Variants in BCAS3 observed in about 807,000 individuals in gnomAD.
The protein encoded by BCAS3 is BCAS3 microtubule associated cell migration factor, also known as BCAS4/BCAS3 fusion.
In BCAS3, 53 loss-of-function variants were observed where a neutral mutation model predicts 116.1. That is an observed-to-expected ratio of 0.46 (90% CI 0.37 to 0.57). The LOEUF is 0.57. Ranked by LOEUF, BCAS3 falls within the 20% of genes least tolerant of loss-of-function variation. The pLI is 0.00. For missense variants in BCAS3, 917 were observed against 1,165.4 expected, an observed-to-expected ratio of 0.79 and a Z score of 3.10; for synonymous variants, 391 against 408.2, an observed-to-expected ratio of 0.96 and a Z score of 0.51.
rs141974212 is a variant in BCAS3, at chr17:61,082,004, C to T, written c.2328-2463C>T. On this transcript the variant is annotated intron_variant, in intron 21 of 23. Transcript: ENST00000407086. This position sits in a 1 kb window ranked among gnomAD's most constrained non-coding sequence, Gnocchi z 5.1. ...GTGCAGTGATAATCTTCCTCCCTGCCGCCTAACCAAAATGGGAAACAGGCA... is the reference window on the plus strand; with the variant it reads ...GTGCAGTGATAATCTTCCTCCCTGCTGCCTAACCAAAATGGGAAACAGGCA... Among the ~76,000 whole-genome samples the T allele has an allele frequency of 5.9e-3, 897 of 152,254 alleles. 3 individuals carry two copies. The highest frequency in any genetic ancestry group is 0.01 in the Middle Eastern group (3 of 294).
chr17:60,757,142 A>G (rs2144325652), intron 6 of BCAS3, among the ~76,000 whole-genome samples: 1 of 151,470 alleles, frequency 6.6e-6, no homozygotes, highest in African/African-American at 2.4e-5. Context: ...CAGCCTAGTG[A>G]CAGAGTGAGA....
In BCAS3 at chr17:61,077,501, A is replaced by G. The variant is rs1219918486; in HGVS notation, c.2131-832A>G. Among the ~76,000 whole-genome samples, 3 of 152,174 alleles carry G rather than the reference A, an allele frequency of 2.0e-5. No individual in the cohort carries two copies. ...CACTGCACTCCAGTCTGGGCAACAG[A>G]GCGAGACTCCGTCTCAAAAAAAAAA... is the stretch of plus-strand genomic sequence containing the variant. On this transcript the variant is annotated intron_variant, in intron 20 of 23. Coordinates refer to ENST00000407086, the MANE Select transcript of BCAS3 (RefSeq NM_017679.5). The surrounding 1 kb of genome is among the most constrained non-coding windows in gnomAD (Gnocchi z 4.3).
rs1374669446 is a variant in BCAS3, at chr17:61,227,543, C to G, written c.2426-140784C>G. ...TTGCCCATGAATGAAGTGAAATGAC[C>G]AGGTAGACAGTAGAACCAGGCCTGT... On this transcript the variant is annotated intron_variant, in intron 22 of 23. Coordinates refer to ENST00000407086, the MANE Select transcript of BCAS3 (RefSeq NM_017679.5). The surrounding 1 kb of genome is among the most constrained non-coding windows in gnomAD (Gnocchi z 6.1). 6.6e-6 allele frequency among the ~76,000 whole-genome samples: 1 copy of G among 152,150 alleles called. No homozygotes were observed. The highest frequency in any genetic ancestry group is 1.9e-4 in the East Asian group (1 of 5,190).
In BCAS3 at chr17:61,200,682, T is replaced by A. The variant is rs1411132510; in HGVS notation, c.2425+116118T>A. Reference sequence around the variant, plus strand: ...GGCTGGCTCTCTTATTATATTAGTATCTTTTTACTATTATCTTGCTTCTGT... The same window carrying A: ...GGCTGGCTCTCTTATTATATTAGTAACTTTTTACTATTATCTTGCTTCTGT... On this transcript the variant is annotated intron_variant, in intron 22 of 23. Coordinates refer to ENST00000407086, the MANE Select transcript of BCAS3 (RefSeq NM_017679.5). The surrounding 1 kb of genome is among the most constrained non-coding windows in gnomAD (Gnocchi z 5.1). Among the ~76,000 whole-genome samples the A allele has an allele frequency of 1.3e-5, 2 of 152,258 alleles. No individual in the cohort carries two copies. The highest frequency in any genetic ancestry group is 1.9e-4 in the East Asian group (1 of 5,204).
At chr17:60,989,923 T>TC (rs1454171407) in intron 14 of BCAS3, 48 bp from the exon 15 acceptor site, 1 of 1,584,120 alleles carries the variant, frequency 6.3e-7, no homozygotes, top group Admixed American at 1.7e-5. Context: ...CTTAGAAAAA[T>TC]CCAAGTAGTT....
At chr17:60,914,102 A>G (rs2145115313) in intron 12 of BCAS3, among the ~76,000 whole-genome samples, 1 of 152,280 alleles carries the variant, frequency 6.6e-6, no homozygotes, top group Non-Finnish European at 1.5e-5. Flanking sequence ...TCATGTGATG[A>G]AGGCTTATCC....
chr17:61,018,985 A>G (rs1418017908), intron 16 of BCAS3, among the ~76,000 whole-genome samples: 1 of 152,052 alleles, frequency 6.6e-6, no homozygotes, highest in East Asian at 1.9e-4. Context: ...TCCTATTAAT[A>G]TAGAGTACAG....
intron 22 of BCAS3, among the ~76,000 whole-genome samples, chr17:61,109,057 A>C (rs1555720821): frequency 6.6e-6 from 1 of 151,892 alleles, no homozygotes; most frequent in Non-Finnish European, 1.5e-5. Flanking sequence ...GTGGTAGTAC[A>C]TGCCTGTAAT....
chr17:61,064,298 G>T (rs570940423), intron 19 of BCAS3, among the ~76,000 whole-genome samples: 1 of 151,834 alleles, frequency 6.6e-6, no homozygotes, highest in South Asian at 2.1e-4. Context: ...TCAGCATAGC[G>T]ATACCTATCT....
intron 7 of BCAS3, among the ~76,000 whole-genome samples, chr17:60,835,919 G>A (rs1422061816): frequency 1.3e-5 from 2 of 152,068 alleles, no homozygotes; most frequent in African/African-American, 4.8e-5. Flanking sequence ...ATTTTCCCAA[G>A]TATGTCTCCT....
At position 61,180,726 on chromosome 17, in the gene BCAS3, G is replaced by C. The variant is rs2079431566; in HGVS notation, c.2425+96162G>C. Among the ~76,000 whole-genome samples the C allele has an allele frequency of 6.6e-6, 1 of 152,210 alleles. No individual in the cohort carries two copies. Among genetic ancestry groups the C allele is most frequent in the Non-Finnish European group, 1.5e-5 (1 of 68,040 alleles). On this transcript the variant is annotated intron_variant, in intron 22 of 23. Coordinates refer to ENST00000407086, the MANE Select transcript of BCAS3 (RefSeq NM_017679.5). The surrounding 1 kb of genome is among the most constrained non-coding windows in gnomAD (Gnocchi z 6.0). Reference sequence around the variant, plus strand: ...AAAGCAGCAGCTTAGATGGCATATGGCACTATCTGCAGTAGGCTTTGTGCT... The same window carrying C: ...AAAGCAGCAGCTTAGATGGCATATGCCACTATCTGCAGTAGGCTTTGTGCT...
intron 23 of BCAS3, among the ~76,000 whole-genome samples, chr17:61,374,758 A>G (rs1007090846): frequency 1.3e-5 from 2 of 152,012 alleles, no homozygotes; most frequent in African/African-American, 4.8e-5. Context: ...CACATCTATA[A>G]CCCTTCACAA....
chr17:60,867,711 T>C (rs2054740657), intron 7 of BCAS3, among the ~76,000 whole-genome samples: 1 of 152,192 alleles, frequency 6.6e-6, no homozygotes, highest in East Asian at 1.9e-4. Flanking sequence ...TTTTTGCTTT[T>C]ATACAATCAA....
At chr17:60,741,880 C>T (rs2041583917) in intron 5 of BCAS3, among the ~76,000 whole-genome samples, 2 of 152,072 alleles carry the variant, frequency 1.3e-5, no homozygotes, top group South Asian at 2.1e-4. Context: ...AATACATATA[C>T]ATGTTTACTA....
intron 7 of BCAS3, among the ~76,000 whole-genome samples, chr17:60,818,003 C>G (rs995591530): frequency 6.6e-6 from 1 of 151,788 alleles, no homozygotes; most frequent in Non-Finnish European, 1.5e-5. Flanking sequence ...TACAGACATG[C>G]GCCACCATGC....
intron 10 of BCAS3, among the ~76,000 whole-genome samples, chr17:60,895,606 T>A (rs902408022): frequency 6.6e-6 from 1 of 152,204 alleles, no homozygotes; most frequent in East Asian, 1.9e-4. Flanking sequence ...TGGTTTATTC[T>A]TTTTTAGCTC....
chr17:60,882,581 T>C (rs990999187), intron 9 of BCAS3, among the ~76,000 whole-genome samples: 2 of 152,180 alleles, frequency 1.3e-5, no homozygotes, highest in South Asian at 2.1e-4. Flanking sequence ...TTAGGTCTAA[T>C]GTTTAAATCT....
intron 7 of BCAS3, among the ~76,000 whole-genome samples, chr17:60,824,083 T>C (rs1432405250): frequency 2.0e-5 from 3 of 152,214 alleles, no homozygotes; most frequent in African/African-American, 7.2e-5. Flanking sequence ...TAGTATTCAA[T>C]TCATTTTTCT....
chr17:61,276,195 A>G lies in BCAS3; in HGVS notation c.2426-92132A>G, dbSNP rs1342444319. On this transcript the variant is annotated intron_variant, in intron 22 of 23. Transcript: ENST00000407086. This position sits in a 1 kb window ranked among gnomAD's most constrained non-coding sequence, Gnocchi z 4.2. The stretch of plus-strand genomic sequence containing the variant: ...GAAACCCCATTTCTACTAAAGATAC[A>G]TTAAAAAATTAGCCAGGCATGGTGG... Among the ~76,000 whole-genome samples the G allele has an allele frequency of 6.6e-6, 1 of 152,074 alleles. No homozygotes were observed. The highest frequency in any genetic ancestry group is 1.5e-5 in the Non-Finnish European group (1 of 68,010).
Sources: gnomAD v4.1 joint callset for allele counts (sites outside exome capture counted in the v4.1 genomes callset) on GRCh38, gnomAD v4.1.1 for gene constraint, Gnocchi (gnomAD v3.1) non-coding constraint, MANE v1.5 for transcripts, NCBI Gene and HGNC (gene_info 2026-07-23, HGNC 2026-07-21) for gene names.